Variants in ABHD17A observed in about 807,000 individuals in gnomAD.
The protein encoded by ABHD17A is alpha/beta hydrolase domain-containing protein 17A.
A neutral mutation model predicts 26.8 loss-of-function variants in ABHD17A; 10 were observed. The ratio of observed to expected loss-of-function variants is 0.37; its 90% confidence interval spans 0.23 to 0.63. The LOEUF (loss-of-function observed/expected upper bound fraction) is 0.63, where lower values mean the gene tolerates loss of function less well. ABHD17A is among the 30% of genes least tolerant of loss of function. The pLI is 0.61. For missense variants in ABHD17A, 292 were observed against 457.3 expected, an observed-to-expected ratio of 0.64 and a Z score of 3.30; for synonymous variants, 167 against 210.9, an observed-to-expected ratio of 0.79 and a Z score of 1.80.
Position 1,881,193 on chromosome 19 carries a change from A to G in ABHD17A, c.332+42T>C, listed in dbSNP as rs1457916612. ...ACCGCAGGCAGAAACGGGAGCCCCA[A>G]GAACAGGGTGACCCAGCCCAGGCGC... On this transcript the variant is annotated intron_variant, in intron 2 of 4. Coordinates refer to ENST00000292577, the MANE Select transcript of ABHD17A (RefSeq NM_001130111.2). 8 of 1,608,134 alleles carry G rather than the reference A, an allele frequency of 5.0e-6. No individual in the cohort carries two copies. The Admixed American group carries it at 8.4e-5, about 17-fold the overall frequency.
Position 1,880,820 on chromosome 19 carries a change from T to C in ABHD17A, c.332+415A>G, listed in dbSNP as rs2012500921. ...CCCTGCCATGGACTGCTTCCTCCAG[T>C]TCCCCCAGGCCCCCACCTAGCCCAG... On this transcript the variant is annotated intron_variant, in intron 2 of 4. Coordinates refer to ENST00000292577, the MANE Select transcript of ABHD17A (RefSeq NM_001130111.2). The surrounding 1 kb of genome is among the most constrained non-coding windows in gnomAD (Gnocchi z 4.1). The C allele has an allele frequency of 3.8e-6, 6 of 1,577,742 alleles. No individual in the cohort carries two copies. In the South Asian group the frequency reaches 6.9e-5, roughly 18 times the overall value.
rs1405980701 is a variant in ABHD17A at position 1,876,933 on chromosome 19, C to T, written c.*267G>A. On this transcript the variant is annotated 3_prime_UTR_variant, in exon 5 of 5. Coordinates refer to ENST00000292577, the MANE Select transcript of ABHD17A (RefSeq NM_001130111.2). ...GGCCCCCTTTCGAGCTCGCTGAGCG[C>T]TCGAGAGAGTGAGCAGAGCCATGAA... The T allele has an allele frequency of 4.0e-6, 2 of 496,324 alleles. No individual in the cohort carries two copies. The highest frequency in any genetic ancestry group is 7.3e-6 in the Non-Finnish European group (2 of 275,694). The allele number at this position is 496,324 out of a possible 1,614,324, so 30.7% of individuals were successfully genotyped here.
In ABHD17A at chr19:1,881,474, C is replaced by T. The variant is rs548895649; in HGVS notation, c.93G>A (p.Pro31=). 1.5e-5 allele frequency: 24 copies of T among 1,602,452 alleles called. No individual in the cohort carries two copies. Among genetic ancestry groups the T allele is most frequent in the Admixed American group, 8.4e-5 (5 of 59,536 alleles). ...CAGGCACCAGGGAGTAGGTGGCCTC[C>T]GGCGGCAGGAAGGCGAGCTTGGCAG... ...RIAAKLAFLP[P]EATYSLVPEP... is the part of the protein sequence containing the mutation. Residue 31 remains proline (P), a synonymous_variant, in exon 2 of 5, where the codon CCG becomes CCA. Coordinates refer to ENST00000292577, the MANE Select transcript of ABHD17A (RefSeq NM_001130111.2).
intron 1 of ABHD17A, among the ~76,000 whole-genome samples, chr19:1,884,433 C>A (rs898693194): frequency 2.0e-5 from 3 of 152,106 alleles, no homozygotes; most frequent in Non-Finnish European, 4.4e-5. Flanking sequence ...CCCTTGACAC[C>A]CTGAATCCCA....
At chr19:1,878,055 G>A in intron 3 of ABHD17A, 1 of 276,758 alleles carries the variant, frequency 3.6e-6, no homozygotes, top group Non-Finnish European at 6.9e-6. Flanking sequence ...CCCACATCCT[G>A]AATGCTTCAC....
intron 1 of ABHD17A, 90 bp downstream of exon 1, chr19:1,885,262 C>T (rs1270468559): frequency 1.3e-5 from 2 of 151,956 alleles, no homozygotes; most frequent in East Asian, 3.9e-4. Flanking sequence ...GCAGGGGTCT[C>T]GGGGACGTCC....
chr19:1,880,211 C>CCATGCCCAGT lies in ABHD17A; in HGVS notation c.333-106_333-97dup, dbSNP rs2012485245. ...AGTGACAGCCCACCCCGGTGGCCAG[C>CCATGCCCAGT]CATGCCCAGTGCCTCATTTACTCCC... On this transcript the variant is annotated intron_variant, in intron 2 of 4. Transcript: ENST00000292577. This position sits in a 1 kb window ranked among gnomAD's most constrained non-coding sequence, Gnocchi z 4.1. 7.4e-7 allele frequency: 1 copy of CCATGCCCAGT among 1,358,648 alleles called. No homozygotes were observed. The highest frequency in any genetic ancestry group is 1.4e-5 in the African/African-American group (1 of 69,426). 84.2% of individuals were successfully genotyped at this position (1,358,648 alleles called of 1,614,324 possible).
Position 1,879,135 on chromosome 19 carries a change from C to T in ABHD17A, c.527+786G>A, listed in dbSNP as rs1344710247. ...ACTGCAGGGACTGCCTGCATATCAC[C>T]AAGGCAACGACGACCCCACCTCCCT... On this transcript the variant is annotated intron_variant, in intron 3 of 4. Coordinates refer to ENST00000292577, the MANE Select transcript of ABHD17A (RefSeq NM_001130111.2). This position sits in a 1 kb window ranked among gnomAD's most constrained non-coding sequence, Gnocchi z 7.6. 1 of 152,318 alleles carries T rather than the reference C, an allele frequency of 6.6e-6. No homozygotes were observed. Among genetic ancestry groups the T allele is most frequent in the Non-Finnish European group, 1.5e-5 (1 of 68,116 alleles). The allele number at this position is 152,318 out of a possible 1,614,324, so 9.4% of individuals were successfully genotyped here. A position where few individuals can be genotyped will look rare whatever the true frequency, so the allele number is the denominator to read the frequency against.
rs1456121290 is a variant in ABHD17A at position 1,885,362 on chromosome 19, C to T, written c.-249G>A. On this transcript the variant is annotated 5_prime_UTR_variant, in exon 1 of 5. Coordinates refer to ENST00000292577, the MANE Select transcript of ABHD17A (RefSeq NM_001130111.2). ...CTGCCCGGCACTCACCACCCCGGCC[C>T]GCGCCCCCGGGCCCCAGGGCCGCGC... 1.3e-5 allele frequency: 2 copies of T among 151,612 alleles called. No homozygotes were observed. The highest frequency in any genetic ancestry group is 3.0e-5 in the Non-Finnish European group (2 of 67,628). The allele number at this position is 151,612 out of a possible 1,614,324, so 9.4% of individuals were successfully genotyped here. A position where few individuals can be genotyped will look rare whatever the true frequency, so the allele number is the denominator to read the frequency against.
intron 1 of ABHD17A, chr19:1,882,611 A>G: frequency 6.6e-6 from 1 of 152,194 alleles, no homozygotes; most frequent in Non-Finnish European, 1.5e-5. Flanking sequence ...GTGAGGGGGG[A>G]GGGGAACGAA....
At position 1,881,278 on chromosome 19, in the gene ABHD17A, T is replaced by C. The variant is rs1195453302; in HGVS notation, c.289A>G (p.Asn97Asp). ...EVFPTKSARG[N>D]RVSCMYVRCV... ...CGAACATACATGCAGGAGACGCGGT[T>C]GCCGCGGGCGCTCTTGGTGGGGAAG... The change falls in exon 2 of 5, where the codon AAC becomes GAC. Residue 97 changes from asparagine (N) to aspartate (D), a missense_variant. Physicochemically the swap from Asn to Asp is conservative, Grantham distance 23. Around this residue, in one of 4 missense-constraint regions of ABHD17A, gnomAD observed 171 missense variants for 216.1 expected, o/e 0.79. Transcript: ENST00000292577. The C allele has an allele frequency of 6.2e-7, 1 of 1,611,100 alleles. No individual in the cohort carries two copies. The highest frequency in any genetic ancestry group is 8.5e-7 in the Non-Finnish European group (1 of 1,179,730).
intron 1 of ABHD17A, chr19:1,882,463 G>A (rs1462626203): frequency 6.6e-6 from 1 of 152,264 alleles, no homozygotes; most frequent in Non-Finnish European, 1.5e-5. Context: ...TGAGGGGCAG[G>A]GGAGGTGGGC....
At chr19:1,881,102 C>CT in intron 2 of ABHD17A, 133 bp downstream of exon 2, 1 of 1,572,246 alleles carries the variant, frequency 6.4e-7, no homozygotes, top group South Asian at 1.2e-5. Context: ...GGATACCACC[C>CT]TTGCTGGCTG....
At position 1,880,137 on chromosome 19, in the gene ABHD17A, C is replaced by T. The variant is rs773437593; in HGVS notation, c.333-22G>A. Reference sequence around the variant, plus strand: ...GTACCTGGGACAGGCCGAGAAGGGCCGTTCACATCCTCGCTCCCAGCGCCC... The same window carrying T: ...GTACCTGGGACAGGCCGAGAAGGGCTGTTCACATCCTCGCTCCCAGCGCCC... On this transcript the variant is annotated intron_variant, in intron 2 of 4. Coordinates refer to ENST00000292577, the MANE Select transcript of ABHD17A (RefSeq NM_001130111.2). The surrounding 1 kb of genome is among the most constrained non-coding windows in gnomAD (Gnocchi z 4.1). 23 of 1,611,650 alleles carry T rather than the reference C, an allele frequency of 1.4e-5. No homozygotes were observed. Among genetic ancestry groups the T allele is most frequent in the South Asian group, 4.4e-5 (4 of 91,016 alleles).
rs769067340 is a variant in ABHD17A at position 1,881,444 on chromosome 19, G to A, written c.123C>T (p.Pro41=). ...CCCCGGCCCCACCAGGCCCCGGCTC[G>A]GGCTCAGGCACCAGGGAGTAGGTGG... ...PEATYSLVPE[P]EPGPGGAGAA... The change falls in exon 2 of 5, where the codon CCC becomes CCT. Residue 41 remains proline (P), a synonymous_variant. Coordinates refer to ENST00000292577, the MANE Select transcript of ABHD17A (RefSeq NM_001130111.2). 4.4e-5 allele frequency: 71 copies of A among 1,601,098 alleles called. No homozygotes were observed. Among genetic ancestry groups the A allele is most frequent in the African/African-American group, 8.0e-5 (6 of 74,886 alleles).
chr19:1,880,184 G>C lies in ABHD17A; in HGVS notation c.333-69C>G. 6.4e-7 allele frequency: 1 copy of C among 1,554,548 alleles called. No individual in the cohort carries two copies. The highest frequency in any genetic ancestry group is 8.8e-7 in the Non-Finnish European group (1 of 1,139,180). On this transcript the variant is annotated intron_variant, in intron 2 of 4. Transcript: ENST00000292577. This position sits in a 1 kb window ranked among gnomAD's most constrained non-coding sequence, Gnocchi z 4.1. ...GCCCAGCTGCAGGGCAGGAGGATGC[G>C]TAGTGACAGCCCACCCCGGTGGCCA...
rs1011829026 is a variant in ABHD17A, at chr19:1,880,428, C to T, written c.333-313G>A. On this transcript the variant is annotated intron_variant, in intron 2 of 4. Transcript: ENST00000292577. This position sits in a 1 kb window ranked among gnomAD's most constrained non-coding sequence, Gnocchi z 4.1. ...GGACACTGGGACCATCGGTCGCATC[C>T]TCTCTCAGGGCAGACTCGCAGTGTG... 6.6e-6 allele frequency among the ~76,000 whole-genome samples: 1 copy of T among 152,218 alleles called. No individual in the cohort carries two copies. The highest frequency in any genetic ancestry group is 1.5e-5 in the Non-Finnish European group (1 of 68,026).
At position 1,877,191 on chromosome 19, in the gene ABHD17A, G is replaced by C. The variant is rs573819284; in HGVS notation, c.*9C>G. On this transcript the variant is annotated 3_prime_UTR_variant, in exon 5 of 5. Transcript: ENST00000292577. ...CTTATTGCTGAGGTCCGGCCGGTTGGGGCCGCCGCTAGGCGCGCTGGCTGG... is the reference window on the plus strand; with the variant it reads ...CTTATTGCTGAGGTCCGGCCGGTTGCGGCCGCCGCTAGGCGCGCTGGCTGG... 8.8e-5 allele frequency: 125 copies of C among 1,423,092 alleles called. No homozygotes were observed. The South Asian group carries it at 1.5e-3, about 17-fold the overall frequency. The allele number at this position is 1,423,092 out of a possible 1,614,324, so 88.2% of individuals were successfully genotyped here.
chr19:1,884,384 G>C (rs936335164), intron 1 of ABHD17A, among the ~76,000 whole-genome samples: 5 of 152,122 alleles, frequency 3.3e-5, no homozygotes, highest in African/African-American at 1.2e-4. Context: ...GCGTGGACTG[G>C]GGAGTGCAAA....
Sources: allele counts gnomAD v4.1 joint callset (sites outside exome capture counted in the v4.1 genomes callset), GRCh38; gene constraint gnomAD v4.1.1; regional missense constraint gnomAD v4.1.1; non-coding constraint Gnocchi (gnomAD v3.1); transcripts MANE v1.5; gene names NCBI Gene and HGNC (gene_info 2026-07-23, HGNC 2026-07-21).